BCAS3: variants seen among roughly 807,000 people sequenced by gnomAD.
BCAS3 encodes BCAS3 microtubule associated cell migration factor, also known as BCAS4/BCAS3 fusion.
BCAS3 carries 53 observed loss-of-function variants against 116.1 expected under a neutral mutation model. That is an observed-to-expected ratio of 0.46 (90% CI 0.37 to 0.57). The LOEUF is 0.57. BCAS3 is among the 20% of genes least tolerant of loss of function. The pLI is 0.00. For missense variants in BCAS3, 917 were observed against 1,165.4 expected (o/e 0.79, Z 3.10); for synonymous variants, 391 against 408.2 (o/e 0.96, Z 0.51).
At chr17:60,679,398 C>G (rs1478030824) in intron 1 of BCAS3, 55 bp from the exon 2 acceptor site, 4 of 1,383,268 alleles carry the variant, frequency 2.9e-6, no homozygotes, top group African/African-American at 2.8e-5. Context: ...CTCCCTACCC[C>G]CAACAACGAT....
intron 6 of BCAS3, among the ~76,000 whole-genome samples, chr17:60,804,565 A>G (rs761983623): frequency 6.6e-6 from 1 of 152,094 alleles, no homozygotes; most frequent in Non-Finnish European, 1.5e-5. Flanking sequence ...TTTCCACTTT[A>G]TATCTTCTAT....
intron 15 of BCAS3, among the ~76,000 whole-genome samples, chr17:61,009,785 C>G (rs969459831): frequency 1.3e-5 from 2 of 151,876 alleles, no homozygotes; most frequent in Admixed American, 6.6e-5. Context: ...GGCAGTTTGC[C>G]ACATTCACAT....
At chr17:61,076,825 A>G (rs1023751979) in intron 20 of BCAS3, among the ~76,000 whole-genome samples, 4 of 152,204 alleles carry the variant, frequency 2.6e-5, no homozygotes, top group African/African-American at 9.7e-5. Flanking sequence ...CTTGAATCAG[A>G]AATCACTGTC....
intron 22 of BCAS3, among the ~76,000 whole-genome samples, chr17:61,175,224 TAGTG>T (rs745518000): frequency 1.3e-5 from 2 of 152,120 alleles, no homozygotes; most frequent in Non-Finnish European, 2.9e-5. Flanking sequence ...CTGAGCAACT[TAGTG>T]AGACCCCATC....
chr17:61,368,417 C>A lies in BCAS3; in HGVS notation c.2516C>A (p.Thr839Lys), dbSNP rs545072054. ...CGGCACATGTCCTCCATGGAGCACACGGAGGAGGGCCTCCGGGAGCGACTT... is the reference window on the plus strand; with the variant it reads ...CGGCACATGTCCTCCATGGAGCACAAGGAGGAGGGCCTCCGGGAGCGACTT... ...GLRHMSSMEH[T>K]EEGLRERLAD... Residue 839 changes from threonine (T) to lysine (K), a missense_variant, in exon 23 of 24, where the codon ACG becomes AAG. By Grantham distance (78) the Thr-to-Lys change is moderately conservative (BLOSUM62 -1). Coordinates refer to ENST00000407086, the MANE Select transcript of BCAS3 (RefSeq NM_017679.5). This position sits in a 1 kb window ranked among gnomAD's most constrained non-coding sequence, Gnocchi z 6.0. The A allele has an allele frequency of 4.3e-6, 7 of 1,612,864 alleles. No homozygotes were observed. The highest frequency in any genetic ancestry group is 5.9e-6 in the Non-Finnish European group (7 of 1,178,950).
intron 8 of BCAS3, among the ~76,000 whole-genome samples, chr17:60,869,888 T>G (rs2054944328): frequency 6.6e-6 from 1 of 152,192 alleles, no homozygotes; most frequent in Admixed American, 6.5e-5. Flanking sequence ...AGACCACAGC[T>G]TCCTTGTATT....
chr17:60,992,905 A>G (rs2063619744), intron 15 of BCAS3, among the ~76,000 whole-genome samples: 1 of 152,162 alleles, frequency 6.6e-6, no homozygotes, highest in African/African-American at 2.4e-5. Flanking sequence ...CATAACATAA[A>G]ATTTTAGCAA....
Position 61,313,612 on chromosome 17 carries a change from C to G in BCAS3, c.2426-54715C>G, listed in dbSNP as rs1447091095. Among the ~76,000 whole-genome samples the G allele has an allele frequency of 6.6e-6, 1 of 152,160 alleles. No individual in the cohort carries two copies. Among genetic ancestry groups the G allele is most frequent in the Non-Finnish European group, 1.5e-5 (1 of 68,046 alleles). ...AAGGCTGGAGGACAGAGCTTGGACT[C>G]GGGTCCAGCTCGGCGTCCTCCCTCG... is the stretch of plus-strand genomic sequence containing the variant. On this transcript the variant is annotated intron_variant, in intron 22 of 23. Coordinates refer to ENST00000407086, the MANE Select transcript of BCAS3 (RefSeq NM_017679.5). The surrounding 1 kb of genome is among the most constrained non-coding windows in gnomAD (Gnocchi z 4.3).
chr17:60,727,265 T>C (rs2039978463), intron 5 of BCAS3: 4 of 1,061,854 alleles, frequency 3.8e-6, no homozygotes, highest in African/African-American at 3.1e-5. Flanking sequence ...GCAGTTAGGC[T>C]CAACACATTC....
At chr17:61,289,016 C>G in intron 22 of BCAS3, among the ~76,000 whole-genome samples, 1 of 152,274 alleles carries the variant, frequency 6.6e-6, no homozygotes, top group East Asian at 1.9e-4. Flanking sequence ...AATGGCCCCT[C>G]TGCACATTTC....
chr17:61,030,697 G>A (rs866299987), intron 16 of BCAS3, among the ~76,000 whole-genome samples: 14 of 151,940 alleles, frequency 9.2e-5, no homozygotes, highest in South Asian at 2.1e-4. Context: ...GTTTGCTTGC[G>A]TGTTTGTTTT....
At chr17:61,046,316 C>G (rs1481972940) in intron 19 of BCAS3, among the ~76,000 whole-genome samples, 1 of 147,744 alleles carries the variant, frequency 6.8e-6, no homozygotes, top group Non-Finnish European at 1.5e-5. Context: ...TTTTTGTTTT[C>G]CTTAACTATA....
Position 61,095,919 on chromosome 17 carries a change from G to A in BCAS3, c.2425+11355G>A, listed in dbSNP as rs1345979972. On this transcript the variant is annotated intron_variant, in intron 22 of 23. Transcript: ENST00000407086. This position sits in a 1 kb window ranked among gnomAD's most constrained non-coding sequence, Gnocchi z 4.7. ...TTTATTTCTACAGAAATTCAGATGA[G>A]ATTGGATTGGGATTTCATTGAATCT... Among the ~76,000 whole-genome samples the A allele has an allele frequency of 6.6e-6, 1 of 152,018 alleles. No individual in the cohort carries two copies. Among genetic ancestry groups the A allele is most frequent in the East Asian group, 1.9e-4 (1 of 5,198 alleles).
At position 61,130,687 on chromosome 17, in the gene BCAS3, C is replaced by T. The variant is rs1244604653; in HGVS notation, c.2425+46123C>T. 1 of 152,238 alleles carries T rather than the reference C, an allele frequency of 6.6e-6. No homozygotes were observed. The highest frequency in any genetic ancestry group is 6.5e-5 in the Admixed American group (1 of 15,288). 9.4% of individuals were successfully genotyped at this position (152,238 alleles called of 1,614,324 possible). A position where few individuals can be genotyped will look rare whatever the true frequency, so the allele number is the denominator to read the frequency against. On this transcript the variant is annotated intron_variant, in intron 22 of 23. Coordinates refer to ENST00000407086, the MANE Select transcript of BCAS3 (RefSeq NM_017679.5). The surrounding 1 kb of genome is among the most constrained non-coding windows in gnomAD (Gnocchi z 5.0). The stretch of plus-strand genomic sequence containing the variant: ...TACATCCCCTCTAGGAGCACACCCA[C>T]TCTAATCAAACTGACCTTTTTAGTT...
chr17:61,133,892 A>G (rs1331974698), intron 22 of BCAS3, among the ~76,000 whole-genome samples: 1 of 149,078 alleles, frequency 6.7e-6, no homozygotes, highest in African/African-American at 2.4e-5. Flanking sequence ...AGGAAACCCA[A>G]AAAACCATCT....
intron 7 of BCAS3, among the ~76,000 whole-genome samples, chr17:60,828,193 A>G (rs1276516499): frequency 1.3e-5 from 2 of 152,238 alleles, no homozygotes; most frequent in Non-Finnish European, 2.9e-5. Flanking sequence ...GAACATCTGC[A>G]TAGATTCTGA....
In BCAS3 at chr17:61,337,339, C is replaced by T. The variant is rs1049918321; in HGVS notation, c.2426-30988C>T. Among the ~76,000 whole-genome samples, 3 of 152,176 alleles carry T rather than the reference C, an allele frequency of 2.0e-5. No individual in the cohort carries two copies. Among genetic ancestry groups the T allele is most frequent in the Admixed American group, 2.0e-4 (3 of 15,278 alleles). ...AATGTGGGGTCTGTGATTCAGTGTT[C>T]TCCCAGGTCAGTGCTGCTTCCGTTG... On this transcript the variant is annotated intron_variant, in intron 22 of 23. Transcript: ENST00000407086. This position sits in a 1 kb window ranked among gnomAD's most constrained non-coding sequence, Gnocchi z 4.8.
At chr17:60,762,544 T>C (rs970839474) in intron 6 of BCAS3, among the ~76,000 whole-genome samples, 9 of 152,202 alleles carry the variant, frequency 5.9e-5, no homozygotes, top group African/African-American at 2.2e-4. Flanking sequence ...CTCTGTTCTG[T>C]TCCTTTGGTC....
intron 21 of BCAS3, among the ~76,000 whole-genome samples, chr17:61,080,857 T>A (rs1200124469): frequency 6.6e-6 from 1 of 152,246 alleles, no homozygotes; most frequent in Non-Finnish European, 1.5e-5. Context: ...TTTACTCTGC[T>A]TTGTATTTTG....
Sources: allele counts gnomAD v4.1 joint callset (sites outside exome capture counted in the v4.1 genomes callset), GRCh38; gene constraint gnomAD v4.1.1; non-coding constraint Gnocchi (gnomAD v3.1); transcripts MANE v1.5; gene names NCBI Gene and HGNC (gene_info 2026-07-23, HGNC 2026-07-21).